ZNF804B: variants seen among roughly 807,000 people sequenced by gnomAD.
ZNF804B encodes the protein zinc finger protein 804B.
A neutral mutation model predicts 101.4 loss-of-function variants in ZNF804B; 80 were observed. The observed-to-expected ratio is 0.79, with a 90% confidence interval of 0.66 to 0.95. The LOEUF (loss-of-function observed/expected upper bound fraction) is 0.95, where lower values mean the gene tolerates loss of function less well. Ranked by LOEUF, ZNF804B falls within the 40% of genes least tolerant of loss-of-function variation. The pLI is 0.00. For missense variants in ZNF804B, 1,673 were observed against 1,561.9 expected (o/e 1.07, Z -1.20); for synonymous variants, 622 against 558.8 (o/e 1.11, Z -1.59).
chr7:89,020,929 T>G (rs1454659244), intron 1 of ZNF804B, among the ~76,000 whole-genome samples: 1 of 152,196 alleles, frequency 6.6e-6, no homozygotes, highest in Non-Finnish European at 1.5e-5. Context: ...AGATTATTAT[T>G]TTGACATTTT....
chr7:88,760,199 A>G, intron 1 of ZNF804B, 115 bp downstream of exon 1: 1 of 811,508 alleles, frequency 1.2e-6, no homozygotes, highest in Non-Finnish European at 2.1e-6. Flanking sequence ...TCTAAAACGT[A>G]TACCTTATCC....
chr7:89,058,070 C>A (rs1789324114), intron 1 of ZNF804B, among the ~76,000 whole-genome samples: 1 of 152,040 alleles, frequency 6.6e-6, no homozygotes, highest in Non-Finnish European at 1.5e-5. Context: ...TAATACAAAA[C>A]AACATTAACA....
intron 1 of ZNF804B, among the ~76,000 whole-genome samples, chr7:88,909,472 T>A (rs1008539379): frequency 3.3e-5 from 5 of 151,630 alleles, no homozygotes; most frequent in African/African-American, 7.3e-5. Flanking sequence ...ATAGGTGATT[T>A]AAAAAAAATC....
At chr7:88,800,365 T>C (rs902984838) in intron 1 of ZNF804B, among the ~76,000 whole-genome samples, 1 of 152,128 alleles carries the variant, frequency 6.6e-6, no homozygotes, top group African/African-American at 2.4e-5. Flanking sequence ...GTTTGGTAAT[T>C]ACTTATCAAG....
At chr7:88,865,064 A>T (rs984791438) in intron 1 of ZNF804B, among the ~76,000 whole-genome samples, 4 of 151,928 alleles carry the variant, frequency 2.6e-5, no homozygotes, top group African/African-American at 4.8e-5. Flanking sequence ...CCCCGTCTCT[A>T]CTAAAAATAC....
intron 1 of ZNF804B, among the ~76,000 whole-genome samples, chr7:88,783,941 A>T (rs761687271): frequency 3.3e-5 from 5 of 152,208 alleles, no homozygotes; most frequent in Non-Finnish European, 4.4e-5. Context: ...TTTAATGAAT[A>T]TACATTACAA....
At chr7:89,156,209 G>A (rs1273277977) in intron 1 of ZNF804B, among the ~76,000 whole-genome samples, 1 of 151,832 alleles carries the variant, frequency 6.6e-6, no homozygotes, top group Non-Finnish European at 1.5e-5. Context: ...CACCTCCCAG[G>A]TTCAAGCAAT....
intron 1 of ZNF804B, among the ~76,000 whole-genome samples, chr7:89,169,491 A>C (rs1029386324): frequency 2.6e-5 from 4 of 152,116 alleles, no homozygotes; most frequent in Non-Finnish European, 5.9e-5. Context: ...CCCTGTGTTT[A>C]AAGTTAGGTG....
In ZNF804B at chr7:89,137,213, G is replaced by A. The variant is rs139252037; in HGVS notation, c.109-80942G>A. Among the ~76,000 whole-genome samples the A allele has an allele frequency of 9.1e-3, 1,387 of 152,096 alleles. 22 individuals are homozygous for A. Among genetic ancestry groups the A allele is most frequent in the African/African-American group, 0.031 (1,285 of 41,500 alleles). On this transcript the variant is annotated intron_variant, in intron 1 of 3. Coordinates refer to ENST00000333190, the MANE Select transcript of ZNF804B (RefSeq NM_181646.5). ...CTGGGTAACATGCAGGGGCTGGAAC[G>A]GTTTGGAGTGCTCAGATGATGTTAA...
At chr7:89,002,933 T>C (rs1788310440) in intron 1 of ZNF804B, among the ~76,000 whole-genome samples, 1 of 151,968 alleles carries the variant, frequency 6.6e-6, no homozygotes, top group Non-Finnish European at 1.5e-5. Flanking sequence ...AATTCTTGAA[T>C]GTGATTTCAG....
chr7:88,871,125 A>G (rs1038577671), intron 1 of ZNF804B, among the ~76,000 whole-genome samples: 6 of 152,212 alleles, frequency 3.9e-5, no homozygotes, highest in Non-Finnish European at 5.9e-5. Flanking sequence ...TTAGGAATAA[A>G]TGATTGATAT....
chr7:88,924,550 C>T (rs771196718), intron 1 of ZNF804B, among the ~76,000 whole-genome samples: 113 of 152,106 alleles, frequency 7.4e-4, no homozygotes, highest in Non-Finnish European at 1.1e-3. Flanking sequence ...TCTATACCCC[C>T]TGCATTTACT....
intron 1 of ZNF804B, among the ~76,000 whole-genome samples, chr7:88,990,852 C>CTATTT (rs1413778704): frequency 6.6e-6 from 1 of 152,020 alleles, no homozygotes; most frequent in Admixed American, 6.6e-5. Flanking sequence ...TTTTTGAGCC[C>CTATTT]TATTATACCA....
At chr7:89,143,842 A>G (rs1220190527) in intron 1 of ZNF804B, among the ~76,000 whole-genome samples, 1 of 152,002 alleles carries the variant, frequency 6.6e-6, no homozygotes, top group Non-Finnish European at 1.5e-5. Context: ...TTTTCATAAT[A>G]TGCATTTTTC....
At chr7:89,321,641 A>G (rs549826284) in intron 2 of ZNF804B, among the ~76,000 whole-genome samples, 1 of 152,148 alleles carries the variant, frequency 6.6e-6, no homozygotes, top group African/African-American at 2.4e-5. Flanking sequence ...GAGAAAAGAG[A>G]GAAAAGAGCA....
chr7:89,168,860 C>CT (rs1791181516), intron 1 of ZNF804B, among the ~76,000 whole-genome samples: 1 of 152,002 alleles, frequency 6.6e-6, no homozygotes, highest in East Asian at 1.9e-4. Context: ...ACAGGCCAGT[C>CT]TTTGTTCTTG....
intron 2 of ZNF804B, among the ~76,000 whole-genome samples, chr7:89,281,111 T>C (rs914063816): frequency 6.6e-6 from 1 of 152,188 alleles, no homozygotes; most frequent in Non-Finnish European, 1.5e-5. Context: ...GTTCATGGAT[T>C]TATATTGTGG....
intron 1 of ZNF804B, among the ~76,000 whole-genome samples, chr7:88,909,039 A>T (rs560116563): frequency 1.1e-3 from 164 of 151,962 alleles, no homozygotes; most frequent in African/African-American, 3.8e-3. Flanking sequence ...TACTGAAGAT[A>T]GATGGAAAAA....
At chr7:89,140,801 T>C (rs1445335915) in intron 1 of ZNF804B, among the ~76,000 whole-genome samples, 1 of 152,082 alleles carries the variant, frequency 6.6e-6, no homozygotes, top group African/African-American at 2.4e-5. Flanking sequence ...CATTCATGTG[T>C]TCATTGTAGG....
Sources: gnomAD v4.1 joint callset for allele counts (sites outside exome capture counted in the v4.1 genomes callset) on GRCh38, gnomAD v4.1.1 for gene constraint, MANE v1.5 for transcripts, NCBI Gene and HGNC (gene_info 2026-07-23, HGNC 2026-07-21) for gene names.